The following HDLBP variants were observed in gnomAD, a reference collection of about 807,000 sequenced individuals.
The protein encoded by HDLBP is vigilin.
In HDLBP, 30 loss-of-function variants were observed where a neutral mutation model predicts 137.3. That is an observed-to-expected ratio of 0.22 (90% CI 0.16 to 0.30). The LOEUF (loss-of-function observed/expected upper bound fraction) is 0.30. Among genes scored for constraint, HDLBP ranks in the 10% least tolerant of loss-of-function variants. The pLI, the probability that HDLBP is intolerant of heterozygous loss-of-function variation, is 1.00. For missense variants in HDLBP, 1,119 were observed against 1,667.3 expected (o/e 0.67, Z 5.73); for synonymous variants, 606 against 596.0 (o/e 1.02, Z -0.24).
chr2:241,280,790 T>C (rs1323002070), intron 1 of HDLBP, among the ~76,000 whole-genome samples: 2 of 152,222 alleles, frequency 1.3e-5, no homozygotes, highest in Non-Finnish European at 2.9e-5. Context: ...GGGCCTTTTC[T>C]GCAAGTTGTT....
rs113623341 is a variant in HDLBP, at chr2:241,299,550, C to T, written c.-103+16020G>A. ...AAAAAAGAAAGGAAAACTAAACACC[C>T]TAATTTGGAAATAAACATCAATATA... is the stretch of plus-strand genomic sequence containing the variant. On this transcript the variant is annotated intron_variant, in intron 1 of 27. Transcript: ENST00000310931. Among the ~76,000 whole-genome samples the T allele has an allele frequency of 8.8e-4, 132 of 149,592 alleles. 1 individual carries two copies. Among genetic ancestry groups the T allele is most frequent in the African/African-American group, 2.8e-3 (112 of 40,616 alleles).
rs2070814860 is a variant in HDLBP, at chr2:241,238,420, TTG to T, written c.2749+227_2749+228del. ...CCTCATCGCCTTGGGACTGGCTACC[TTG>T]TGTGTCTCTAGGACCTATGAAGGTC... On this transcript the variant is annotated intron_variant, in intron 20 of 27. Coordinates refer to ENST00000310931, the MANE Select transcript of HDLBP (RefSeq NM_005336.6). The surrounding 1 kb of genome is among the most constrained non-coding windows in gnomAD (Gnocchi z 4.9). 2.7e-6 allele frequency: 1 copy of T among 369,020 alleles called. No individual in the cohort carries two copies. 22.9% of individuals were successfully genotyped at this position (369,020 alleles called of 1,614,324 possible).
At chr2:241,277,909 C>T (rs1272730273) in intron 1 of HDLBP, among the ~76,000 whole-genome samples, 1 of 151,828 alleles carries the variant, frequency 6.6e-6, no homozygotes, top group African/African-American at 2.4e-5. Flanking sequence ...TGCCGTGGGC[C>T]GAGACCACGC....
chr2:241,274,837 G>A (rs1185590266), intron 1 of HDLBP, among the ~76,000 whole-genome samples: 1 of 152,164 alleles, frequency 6.6e-6, no homozygotes, highest in East Asian at 1.9e-4. Context: ...CAAATGAAGT[G>A]TGAACGTCTG....
chr2:241,310,495 T>G (rs1447886949), intron 1 of HDLBP, among the ~76,000 whole-genome samples: 1 of 152,232 alleles, frequency 6.6e-6, no homozygotes, highest in Non-Finnish European at 1.5e-5. Context: ...ATTGTATCCA[T>G]AAATCGTAAC....
intron 16 of HDLBP, among the ~76,000 whole-genome samples, chr2:241,243,996 T>C (rs2071484291): frequency 6.6e-6 from 1 of 152,082 alleles, no homozygotes; most frequent in Admixed American, 6.5e-5. Flanking sequence ...TTAACTGTAT[T>C]GTCTATGGCC....
chr2:241,249,936 G>A lies in HDLBP; in HGVS notation c.1417C>T (p.Pro473Ser). ...DQYKVSVRIP[P>S]DSEKSNLIRI... is the part of the protein sequence containing the mutation. Reference sequence around the variant, plus strand: ...ATCAAATTGCTCTTCTCACTGTCAGGAGGGATGCGCACGGACACCTTGTAC... The same window carrying A: ...ATCAAATTGCTCTTCTCACTGTCAGAAGGGATGCGCACGGACACCTTGTAC... The change falls in exon 12 of 28, where the codon CCT (proline) becomes TCT (serine). Residue 473 changes from proline (P) to serine (S), a missense_variant. Coordinates refer to ENST00000310931, the MANE Select transcript of HDLBP (RefSeq NM_005336.6). The A allele has an allele frequency of 6.2e-7, 1 of 1,613,902 alleles. No homozygotes were observed. The highest frequency in any genetic ancestry group is 1.1e-5 in the South Asian group (1 of 91,046).
chr2:241,288,247 A>AT (rs1393275884), intron 1 of HDLBP, among the ~76,000 whole-genome samples: 3 of 151,916 alleles, frequency 2.0e-5, no homozygotes, highest in East Asian at 1.9e-4. Flanking sequence ...CTGAATTAAA[A>AT]TTTTTTTTTG....
chr2:241,243,052 T>C (rs1366744578), intron 16 of HDLBP, among the ~76,000 whole-genome samples: 1 of 152,216 alleles, frequency 6.6e-6, no homozygotes. Flanking sequence ...CATATGCCTA[T>C]GGATACATAA....
intron 5 of HDLBP, among the ~76,000 whole-genome samples, chr2:241,258,315 C>G (rs941501260): frequency 6.9e-6 from 1 of 145,398 alleles, no homozygotes; most frequent in African/African-American, 2.6e-5. Flanking sequence ...CCACTGCACT[C>G]CAGCCTGGGC....
At chr2:241,291,435 T>C (rs1042118876) in intron 1 of HDLBP, among the ~76,000 whole-genome samples, 1 of 152,058 alleles carries the variant, frequency 6.6e-6, no homozygotes, top group East Asian at 1.9e-4. Flanking sequence ...AAAATACGGC[T>C]TCCACGGGTT....
At chr2:241,257,175 A>G (rs1162633321) in intron 5 of HDLBP, among the ~76,000 whole-genome samples, 1 of 152,264 alleles carries the variant, frequency 6.6e-6, no homozygotes, top group East Asian at 1.9e-4. Flanking sequence ...ACTGAAATCA[A>G]GAAGTTAACA....
At chr2:241,303,810 T>C (rs2075471559) in intron 1 of HDLBP, among the ~76,000 whole-genome samples, 1 of 152,302 alleles carries the variant, frequency 6.6e-6, no homozygotes, top group Non-Finnish European at 1.5e-5. Flanking sequence ...AAGTTCAGAA[T>C]ATTACTTCTT....
intron 16 of HDLBP, chr2:241,246,453 A>G (rs2071689428): frequency 3.1e-6 from 1 of 318,096 alleles, no homozygotes; most frequent in African/African-American, 2.2e-5. Flanking sequence ...TTTTTTTTAA[A>G]GGAAAGAAAA....
rs749239766 is a variant in HDLBP, at chr2:241,262,932, CAA to C, written c.235-8_235-7del. 3.1e-6 allele frequency: 5 copies of C among 1,589,276 alleles called. No homozygotes were observed. The African/African-American group carries it at 6.7e-5, about 21-fold the overall frequency. On this transcript the variant is annotated splice_region_variant and splice_polypyrimidine_tract_variant and intron_variant, in intron 4 of 27. Coordinates refer to ENST00000310931, the MANE Select transcript of HDLBP (RefSeq NM_005336.6). ...TCCAGGGGTACATGGAACACCTGCT[CAA>C]AAAAGATCAAAAAAGGAAAGGTTAA...
chr2:241,252,293 G>A (rs770480918), intron 11 of HDLBP, among the ~76,000 whole-genome samples: 12 of 152,242 alleles, frequency 7.9e-5, no homozygotes, highest in Non-Finnish European at 1.5e-4. Context: ...CCTGAGCCCA[G>A]GAATTTGAGA....
intron 20 of HDLBP, among the ~76,000 whole-genome samples, chr2:241,237,128 G>A (rs906672931): frequency 4.6e-5 from 7 of 152,212 alleles, no homozygotes; most frequent in African/African-American, 1.7e-4. Flanking sequence ...GAGGAACACA[G>A]GGCAGACCCA....
At chr2:241,271,873 G>A (rs1406335251) in intron 1 of HDLBP, 1 of 152,248 alleles carries the variant, frequency 6.6e-6, no homozygotes, top group Non-Finnish European at 1.5e-5. Flanking sequence ...AGAGACCACA[G>A]GCGACTGGCG....
chr2:241,303,075 A>C (rs1453954376), intron 1 of HDLBP, among the ~76,000 whole-genome samples: 1 of 152,232 alleles, frequency 6.6e-6, no homozygotes, highest in Non-Finnish European at 1.5e-5. Flanking sequence ...GGGCATTTAG[A>C]ACAGCTTTTG....
Sources: allele counts gnomAD v4.1 joint callset (sites outside exome capture counted in the v4.1 genomes callset), GRCh38; gene constraint gnomAD v4.1.1; non-coding constraint Gnocchi (gnomAD v3.1); transcripts MANE v1.5; gene names NCBI Gene and HGNC (gene_info 2026-07-23, HGNC 2026-07-21).